DHODH: variants seen among roughly 807,000 people sequenced by gnomAD.
DHODH encodes the protein dihydroorotate dehydrogenase (quinone), mitochondrial.
In DHODH, 30 loss-of-function variants were observed where a neutral mutation model predicts 39.7. That is an observed-to-expected ratio of 0.76 (90% CI 0.57 to 1.02). The LOEUF (loss-of-function observed/expected upper bound fraction) is 1.02. Ranked by LOEUF, DHODH falls within the 50% of genes least tolerant of loss-of-function variation. The pLI, the probability that DHODH is intolerant of heterozygous loss-of-function variation, is 0.00. For synonymous variants in DHODH, 222 were observed against 213.8 expected, an observed-to-expected ratio of 1.04 and a Z score of -0.34; for missense variants, 531 against 520.8, an observed-to-expected ratio of 1.02 and a Z score of -0.19.
chr16:72,017,168 CTGGG>C, intron 4 of DHODH, 62 bp downstream of exon 4: 2 of 1,507,864 alleles, frequency 1.3e-6, no homozygotes, highest in Non-Finnish European at 9.2e-7. Flanking sequence ...GGGAGAAATG[CTGGG>C]AACATTTCTA....
intron 1 of DHODH, among the ~76,000 whole-genome samples, chr16:72,011,785 C>G (rs1236162261): frequency 6.6e-6 from 1 of 152,184 alleles, no homozygotes; most frequent in Non-Finnish European, 1.5e-5. Context: ...GTAGCAGTGT[C>G]CACCACGATC....
chr16:72,017,144 T>C, intron 4 of DHODH, 38 bp downstream of exon 4: 1 of 1,591,466 alleles, frequency 6.3e-7, no homozygotes, highest in Non-Finnish European at 8.6e-7. Context: ...TTCTTATTTA[T>C]TAGGAGGAAA....
chr16:72,021,339 C>A, intron 5 of DHODH, 28 bp downstream of exon 5: 1 of 1,576,794 alleles, frequency 6.3e-7, no homozygotes, highest in South Asian at 1.1e-5. Flanking sequence ...TCTCCAGGCC[C>A]TGTCCCACCA....
chr16:72,026,978 T>C lies in DHODH; in HGVS notation c.*2779T>C, dbSNP rs2041281435. ...GCTAATTTGTGTGTGTGTGTGTGTG[T>C]GTGTGTGTGTGTGTGTGTGTGTGTG... On this transcript the variant is annotated 3_prime_UTR_variant, in exon 9 of 9. Transcript: ENST00000219240. 7.3e-6 allele frequency: 1 copy of C among 136,612 alleles called. No homozygotes were observed. The highest frequency in any genetic ancestry group is 2.6e-5 in the African/African-American group (1 of 38,628). 8.5% of individuals were successfully genotyped at this position (136,612 alleles called of 1,614,324 possible). A position where few individuals can be genotyped will look rare whatever the true frequency, so the allele number is the denominator to read the frequency against.
chr16:72,020,556 T>C (rs2041201676), intron 4 of DHODH: 1 of 154,158 alleles, frequency 6.5e-6, no homozygotes, highest in African/African-American at 2.4e-5. Context: ...TTCACCATGT[T>C]GCCCAGACTG....
chr16:72,024,146 G>T lies in DHODH; in HGVS notation c.1135G>T (p.Glu379Ter), dbSNP rs1275728042. 2 of 1,614,098 alleles carry T rather than the reference G, an allele frequency of 1.2e-6. No homozygotes were observed. The highest frequency in any genetic ancestry group is 1.7e-6 in the Non-Finnish European group (2 of 1,180,038). ...VKRELEALLK[E>*]QGFGGVTDAI... ...TTGCTTTGTTTGCTCTTTTTCCAGA[G>T]AGCAGGGCTTTGGCGGAGTCACAGA... is the stretch of plus-strand genomic sequence containing the variant. Residue 379 changes from glutamate to a stop codon, truncating the protein, a stop_gained and splice_region_variant, in exon 9 of 9, where the codon GAG (glutamate) becomes TAG (stop). Coordinates refer to ENST00000219240, the MANE Select transcript of DHODH (RefSeq NM_001361.5). LOFTEE classifies it high-confidence loss of function.
chr16:72,008,801 G>A lies in DHODH; in HGVS notation c.21+16G>A. 1 of 1,552,376 alleles carries A rather than the reference G, an allele frequency of 6.4e-7. No individual in the cohort carries two copies. On this transcript the variant is annotated intron_variant, in intron 1 of 8. Coordinates refer to ENST00000219240, the MANE Select transcript of DHODH (RefSeq NM_001361.5). ...ACACCTGAAAGTGAGTCCCGCGAGTGAGCAGTGTGGATGGGGGACCAGGGA... is the reference window on the plus strand; with the variant it reads ...ACACCTGAAAGTGAGTCCCGCGAGTAAGCAGTGTGGATGGGGGACCAGGGA...
At position 72,025,422 on chromosome 16, in the gene DHODH, C is replaced by T. The variant is rs1281119236; in HGVS notation, c.*1223C>T. 1 of 152,184 alleles carries T rather than the reference C, an allele frequency of 6.6e-6. No homozygotes were observed. Among genetic ancestry groups the T allele is most frequent in the African/African-American group, 2.4e-5 (1 of 41,446 alleles). The allele number at this position is 152,184 out of a possible 1,614,324, so 9.4% of individuals were successfully genotyped here. ...CAAATAGAATTCTGCCATTTACTTT[C>T]TTCACTATTCTTATGTGGCATGGTT... On this transcript the variant is annotated 3_prime_UTR_variant, in exon 9 of 9. Transcript: ENST00000219240.
At chr16:72,017,865 G>T (rs369744064) in intron 4 of DHODH, among the ~76,000 whole-genome samples, 1 of 143,714 alleles carries the variant, frequency 7.0e-6, no homozygotes, top group Admixed American at 7.2e-5. Flanking sequence ...TCTGCTTCCC[G>T]CGTTCTCACT....
At chr16:72,019,681 G>A (rs1364170302) in intron 4 of DHODH, among the ~76,000 whole-genome samples, 2 of 152,130 alleles carry the variant, frequency 1.3e-5, no homozygotes, top group Admixed American at 6.5e-5. Flanking sequence ...AGTAAAAAGG[G>A]GCAGGTGTTA....
chr16:72,014,501 G>C lies in DHODH; in HGVS notation c.263G>C (p.Arg88Pro), dbSNP rs991090913. 6.2e-7 allele frequency: 1 copy of C among 1,614,174 alleles called. No individual in the cohort carries two copies. The highest frequency in any genetic ancestry group is 1.7e-5 in the Admixed American group (1 of 60,018). ...LEVRVLGHKF[R>P]NPVGIAAGFD... ...GTGAGAGTTCTGGGCCATAAATTCC[G>C]AAATCCAGTAGGAATTGCTGCAGGA... Residue 88 changes from arginine (R) to proline (P), a missense_variant, in exon 3 of 9, where the codon CGA (arginine) becomes CCA (proline). By Grantham distance (103) the Arg-to-Pro change is moderately radical. Transcript: ENST00000219240.
chr16:72,011,791 C>T (rs955201588), intron 1 of DHODH, among the ~76,000 whole-genome samples: 1 of 152,170 alleles, frequency 6.6e-6, no homozygotes, highest in Non-Finnish European at 1.5e-5. Flanking sequence ...GTGTCCACCA[C>T]GATCACCCTA....
At chr16:72,016,199 T>C (rs565197019) in intron 3 of DHODH, 2 of 152,462 alleles carry the variant, frequency 1.3e-5, no homozygotes, top group East Asian at 1.9e-4. Context: ...TAGGTCTCAC[T>C]TGTGTCTCAG....
chr16:72,021,744 C>CT (rs1465231349), intron 5 of DHODH, among the ~76,000 whole-genome samples: 1 of 152,184 alleles, frequency 6.6e-6, no homozygotes, highest in African/African-American at 2.4e-5. Context: ...AGGTGGATCA[C>CT]TTATAACCCA....
intron 4 of DHODH, among the ~76,000 whole-genome samples, chr16:72,018,109 G>T (rs960232961): frequency 4.4e-4 from 15 of 34,098 alleles, no homozygotes; most frequent in Admixed American, 2.9e-3. Context: ...CCGGCGATGC[G>T]GGTGTTCTCT....
At chr16:72,022,928 G>A (rs1407908764) in intron 6 of DHODH, among the ~76,000 whole-genome samples, 2 of 152,172 alleles carry the variant, frequency 1.3e-5, no homozygotes, top group Non-Finnish European at 2.9e-5. Flanking sequence ...TGTAAGGACT[G>A]GACCCTGTCC....
chr16:72,009,124 A>G, intron 1 of DHODH: 6 of 1,254,740 alleles, frequency 4.8e-6, no homozygotes, highest in Non-Finnish European at 6.1e-6. Context: ...AAACTAGAGT[A>G]GGACATGCTC....
At chr16:72,009,098 G>A (rs1362825041) in intron 1 of DHODH, 1 of 1,318,650 alleles carries the variant, frequency 7.6e-7, no homozygotes, top group Non-Finnish European at 9.7e-7. Context: ...TTGTGTGCCG[G>A]ATCCAACGGG....
chr16:72,014,299 A>G, intron 2 of DHODH, 174 bp from the exon 3 acceptor site: 2 of 639,758 alleles, frequency 3.1e-6, no homozygotes, highest in Admixed American at 2.7e-5. Context: ...TGTTAAAAAT[A>G]GTTCCCCCAG....
Sources: gnomAD v4.1 joint callset for allele counts (sites outside exome capture counted in the v4.1 genomes callset) on GRCh38, gnomAD v4.1.1 for gene constraint, MANE v1.5 for transcripts, NCBI Gene and HGNC (gene_info 2026-07-23, HGNC 2026-07-21) for gene names.